TAOK3: variants seen among roughly 807,000 people sequenced by gnomAD.
TAOK3 encodes the protein serine/threonine-protein kinase TAO3.
A neutral mutation model predicts 120.4 loss-of-function variants in TAOK3; 40 were observed. The ratio of observed to expected loss-of-function variants is 0.33; its 90% confidence interval spans 0.26 to 0.43. The LOEUF (loss-of-function observed/expected upper bound fraction) is 0.43, where lower values mean the gene tolerates loss of function less well. TAOK3 is among the 20% of genes least tolerant of loss of function. The pLI, the probability that TAOK3 is intolerant of heterozygous loss-of-function variation, is 1.00. For synonymous variants in TAOK3, 355 were observed against 387.5 expected (o/e 0.92, Z 0.99); for missense variants, 821 against 1,112.1 (o/e 0.74, Z 3.72).
chr12:118,249,836 A>G (rs2040673463), intron 3 of TAOK3, among the ~76,000 whole-genome samples: 1 of 152,136 alleles, frequency 6.6e-6, no homozygotes, highest in Admixed American at 6.5e-5. Flanking sequence ...CCTGTCTCTA[A>G]ATAAATGAAT....
chr12:118,295,544 T>C (rs1046068052), intron 1 of TAOK3, among the ~76,000 whole-genome samples: 1 of 152,350 alleles, frequency 6.6e-6, no homozygotes, highest in African/African-American at 2.4e-5. Flanking sequence ...TTTTGTGTAA[T>C]AGTTAAAAAT....
chr12:118,191,859 T>C (rs1010237478), intron 13 of TAOK3, among the ~76,000 whole-genome samples: 2 of 152,194 alleles, frequency 1.3e-5, no homozygotes, highest in Non-Finnish European at 2.9e-5. Flanking sequence ...TCAAAAGAGA[T>C]ATGCTAGGTA....
chr12:118,208,798 G>A lies in TAOK3; in HGVS notation c.819+4116C>T, dbSNP rs112346308. On this transcript the variant is annotated intron_variant, in intron 11 of 20. Transcript: ENST00000392533. ...ACGATCTCGGCTCACTGCAAACTTC[G>A]CCTTCCGGGTTCAAGTGATTCTCCT... 6.4e-3 allele frequency among the ~76,000 whole-genome samples: 967 copies of A among 151,944 alleles called. 5 individuals carry two copies. Among genetic ancestry groups the A allele is most frequent in the African/African-American group, 0.021 (890 of 41,412 alleles).
chr12:118,230,245 T>G (rs952810973), intron 9 of TAOK3, among the ~76,000 whole-genome samples: 3 of 152,124 alleles, frequency 2.0e-5, no homozygotes, highest in African/African-American at 7.2e-5. Context: ...CCCATTGATC[T>G]GTAACGGCTT....
At chr12:118,181,012 T>A (rs1337960394) in intron 15 of TAOK3, among the ~76,000 whole-genome samples, 1 of 151,898 alleles carries the variant, frequency 6.6e-6, no homozygotes, top group Non-Finnish European at 1.5e-5. Context: ...GCCCGGCTAA[T>A]TTTTGTATTT....
chr12:118,192,125 A>G (rs1165554384), intron 13 of TAOK3, among the ~76,000 whole-genome samples: 1 of 152,198 alleles, frequency 6.6e-6, no homozygotes, highest in African/African-American at 2.4e-5. Context: ...CTCTGATAAA[A>G]ATTAACTCCT....
At chr12:118,272,727 T>C (rs930714694) in intron 1 of TAOK3, among the ~76,000 whole-genome samples, 3 of 152,104 alleles carry the variant, frequency 2.0e-5, no homozygotes, top group Admixed American at 6.5e-5. Flanking sequence ...TCCTAGCACT[T>C]TGGGAGACCG....
At chr12:118,233,605 T>C (rs1315725078) in intron 9 of TAOK3, 69 bp downstream of exon 9, 1 of 1,194,434 alleles carries the variant, frequency 8.4e-7, no homozygotes, top group Non-Finnish European at 1.2e-6. Context: ...TTCTTAAAAA[T>C]ACAATGAAAA....
chr12:118,368,082 T>C (rs2045789442), intron 1 of TAOK3, among the ~76,000 whole-genome samples: 1 of 152,224 alleles, frequency 6.6e-6, no homozygotes, highest in Non-Finnish European at 1.5e-5. Flanking sequence ...TGGGAAGTAT[T>C]TGCATCCTGC....
At chr12:118,182,379 C>T (rs889265600) in intron 14 of TAOK3, among the ~76,000 whole-genome samples, 4 of 151,852 alleles carry the variant, frequency 2.6e-5, no homozygotes, top group Non-Finnish European at 4.4e-5. Context: ...ACACTACTGA[C>T]AACGAGCCCG....
At chr12:118,314,834 T>C (rs190511796) in intron 1 of TAOK3, among the ~76,000 whole-genome samples, 4 of 152,288 alleles carry the variant, frequency 2.6e-5, no homozygotes, top group Admixed American at 2.6e-4. Flanking sequence ...CTACAACCAT[T>C]TTATCAGCAT....
intron 17 of TAOK3, among the ~76,000 whole-genome samples, chr12:118,167,404 T>G (rs1376982548): frequency 6.6e-6 from 1 of 152,056 alleles, no homozygotes; most frequent in Non-Finnish European, 1.5e-5. Flanking sequence ...AAAATACTTG[T>G]TTACATGTAA....
rs3825095 is a variant in TAOK3 at position 118,214,253 on chromosome 12, C to G, written c.644-143G>C. 757 of 626,058 alleles carry G rather than the reference C, an allele frequency of 1.2e-3. 12 individuals carry two copies. In the East Asian group the frequency reaches 0.023, roughly 19 times the overall value. 38.8% of individuals were successfully genotyped at this position (626,058 alleles called of 1,614,324 possible). A position where few individuals can be genotyped will look rare whatever the true frequency, so the allele number is the denominator to read the frequency against. On this transcript the variant is annotated intron_variant, in intron 9 of 20. Transcript: ENST00000392533. ...CCACATAATCCACTTATTTTAATCT[C>G]TAAGGTTGGCCCAAGATAGCCATTC... is the stretch of plus-strand genomic sequence containing the variant.
At chr12:118,279,604 G>A (rs1166579099) in intron 1 of TAOK3, among the ~76,000 whole-genome samples, 1 of 136,444 alleles carries the variant, frequency 7.3e-6, no homozygotes, top group African/African-American at 2.7e-5. Flanking sequence ...TTTTTTTTGA[G>A]AGAGAGTCTC....
intron 1 of TAOK3, among the ~76,000 whole-genome samples, chr12:118,320,515 A>G (rs150657461): frequency 3.7e-4 from 57 of 152,338 alleles, no homozygotes; most frequent in Admixed American, 7.8e-4. Context: ...AGCCCAAGGC[A>G]AATAAGTGTA....
At chr12:118,224,497 G>A (rs1343165962) in intron 9 of TAOK3, among the ~76,000 whole-genome samples, 3 of 152,188 alleles carry the variant, frequency 2.0e-5, no homozygotes, top group African/African-American at 7.2e-5. Flanking sequence ...AGTGCCGACA[G>A]ACTATTTGCC....
intron 1 of TAOK3, among the ~76,000 whole-genome samples, chr12:118,357,496 C>T (rs1412278070): frequency 2.0e-5 from 3 of 152,082 alleles, no homozygotes; most frequent in East Asian, 1.9e-4. Context: ...AGGTTAAGCA[C>T]GTTTTAAGTA....
At chr12:118,151,283 GCGCGCGCACACACA>G (rs998647098) in intron 20 of TAOK3, 125 bp from the exon 21 acceptor site, 1 of 564,514 alleles carries the variant, frequency 1.8e-6, no homozygotes, top group African/African-American at 4.0e-5. Context: ...TGAAGTGCGC[GCGCGCGCACACACA>G]CACACACACA....
chr12:118,366,107 T>A (rs764536842), intron 1 of TAOK3, among the ~76,000 whole-genome samples: 1 of 151,868 alleles, frequency 6.6e-6, no homozygotes, highest in Admixed American at 6.6e-5. Flanking sequence ...CTACTAAAAA[T>A]ACAAAAATTA....
Sources: gnomAD v4.1 joint callset for allele counts (sites outside exome capture counted in the v4.1 genomes callset) on GRCh38, gnomAD v4.1.1 for gene constraint, MANE v1.5 for transcripts, NCBI Gene and HGNC (gene_info 2026-07-23, HGNC 2026-07-21) for gene names.